Variants in ANKS1B observed in about 807,000 individuals in gnomAD.
The protein encoded by ANKS1B is ankyrin repeat and sterile alpha motif domain-containing protein 1B.
Under a neutral mutation model 148.3 loss-of-function variants are expected in ANKS1B, and 36 were observed. The ratio of observed to expected loss-of-function variants is 0.24; its 90% CI spans 0.19 to 0.32. The LOEUF (loss-of-function observed/expected upper bound fraction) is 0.32. Among genes scored for constraint, ANKS1B ranks in the 10% least tolerant of loss-of-function variants. The pLI is 1.00. For missense variants in ANKS1B, 1,157 were observed against 1,542.6 expected (o/e 0.75, Z 4.19); for synonymous variants, 542 against 560.8 (o/e 0.97, Z 0.47).
At chr12:99,409,084 T>C (rs56980683) in intron 11 of ANKS1B, among the ~76,000 whole-genome samples, 10,563 of 152,180 alleles carry the variant, frequency 0.069, 1,087 homozygotes, top group African/African-American at 0.22. Context: ...ATAGCCAAGA[T>C]TTAGAAGCCA....
At chr12:99,302,717 G>A (rs2081825391) in intron 12 of ANKS1B, among the ~76,000 whole-genome samples, 1 of 152,192 alleles carries the variant, frequency 6.6e-6, no homozygotes, top group Middle Eastern at 3.4e-3. Context: ...GGACCACATT[G>A]TTAAGTGACA....
chr12:99,782,553 C>T (rs1468241873), intron 4 of ANKS1B, among the ~76,000 whole-genome samples: 1 of 152,062 alleles, frequency 6.6e-6, no homozygotes, highest in East Asian at 1.9e-4. Flanking sequence ...AGTGGGACTC[C>T]ATCTCAAAAA....
chr12:98,847,173 C>T (rs762833614), intron 17 of ANKS1B, among the ~76,000 whole-genome samples: 1 of 152,140 alleles, frequency 6.6e-6, no homozygotes, highest in Non-Finnish European at 1.5e-5. Flanking sequence ...ATACACAATA[C>T]ACTATTGTTA....
intron 11 of ANKS1B, among the ~76,000 whole-genome samples, chr12:99,419,365 C>A (rs937583039): frequency 4.6e-5 from 7 of 152,122 alleles, no homozygotes; most frequent in Admixed American, 2.6e-4. Context: ...TCCATTTTAG[C>A]TAAGTTGTCA....
At chr12:98,836,455 G>A (rs539605980) in intron 17 of ANKS1B, among the ~76,000 whole-genome samples, 65 of 152,188 alleles carry the variant, frequency 4.3e-4, no homozygotes, top group Admixed American at 4.0e-3. Flanking sequence ...GCTTCAAAAC[G>A]CCCAAGTTGA....
At chr12:99,948,581 T>C (rs1036690478) in intron 1 of ANKS1B, among the ~76,000 whole-genome samples, 13 of 152,294 alleles carry the variant, frequency 8.5e-5, no homozygotes, top group African/African-American at 2.2e-4. Flanking sequence ...AATTAAACAC[T>C]GCTGACCATC....
intron 9 of ANKS1B, among the ~76,000 whole-genome samples, chr12:99,654,433 T>C (rs1462818871): frequency 1.3e-5 from 2 of 152,230 alleles, no homozygotes; most frequent in South Asian, 2.1e-4. Context: ...ATTTTCACCA[T>C]GGCTTCAAAT....
intron 9 of ANKS1B, among the ~76,000 whole-genome samples, chr12:99,560,198 T>C (rs2097318326): frequency 6.6e-6 from 1 of 152,188 alleles, no homozygotes; most frequent in African/African-American, 2.4e-5. Context: ...TGTAAAGTTA[T>C]GGTGAGTTCT....
At chr12:99,766,333 G>A (rs575578407) in intron 8 of ANKS1B, among the ~76,000 whole-genome samples, 1 of 152,196 alleles carries the variant, frequency 6.6e-6, no homozygotes, top group Admixed American at 6.5e-5. Flanking sequence ...AGAAAGAGAT[G>A]TATCAAGAAT....
intron 17 of ANKS1B, among the ~76,000 whole-genome samples, chr12:98,924,511 TTCC>T (rs2099805558): frequency 6.6e-6 from 1 of 152,122 alleles, no homozygotes; most frequent in Admixed American, 6.5e-5. Flanking sequence ...CCAAAGTAGC[TTCC>T]CCCAAGCCAC....
At chr12:99,936,651 T>C (rs895557893) in intron 1 of ANKS1B, among the ~76,000 whole-genome samples, 3 of 152,178 alleles carry the variant, frequency 2.0e-5, no homozygotes, top group Admixed American at 6.5e-5. Context: ...CCTACCTCTG[T>C]TTGCTGTACT....
intron 12 of ANKS1B, among the ~76,000 whole-genome samples, chr12:99,257,243 C>CAA (rs530506432): frequency 1.4e-5 from 2 of 140,340 alleles, no homozygotes; most frequent in African/African-American, 5.2e-5. Context: ...GACTCCGTCT[C>CAA]AAAAAAAAAA....
intron 15 of ANKS1B, among the ~76,000 whole-genome samples, chr12:99,112,477 T>C (rs2153702865): frequency 6.6e-6 from 1 of 152,040 alleles, no homozygotes; most frequent in Admixed American, 6.6e-5. Flanking sequence ...CAACATCTTG[T>C]CTTTTTTGTT....
At chr12:99,600,830 T>G (rs1365214093) in intron 9 of ANKS1B, among the ~76,000 whole-genome samples, 1 of 152,136 alleles carries the variant, frequency 6.6e-6, no homozygotes, top group African/African-American at 2.4e-5. Flanking sequence ...ACACTATTTT[T>G]ATCTCTTTTG....
chr12:98,811,291 C>G (rs994228861), intron 19 of ANKS1B, among the ~76,000 whole-genome samples: 1 of 152,162 alleles, frequency 6.6e-6, no homozygotes, highest in Non-Finnish European at 1.5e-5. Flanking sequence ...TGCATGCCCC[C>G]TGAAGGGGAC....
At chr12:98,924,053 A>AGATGCCTCTATTT (rs2099804841) in intron 17 of ANKS1B, among the ~76,000 whole-genome samples, 1 of 152,188 alleles carries the variant, frequency 6.6e-6, no homozygotes, top group South Asian at 2.1e-4. Context: ...CGCCAGACTT[A>AGATGCCTCTATTT]GATGCCTCTA....
At chr12:98,772,873 G>A (rs1012089886) in intron 25 of ANKS1B, 169 bp downstream of exon 25, 4 of 659,450 alleles carry the variant, frequency 6.1e-6, no homozygotes, top group East Asian at 3.2e-5. Context: ...TAAGCCTCTC[G>A]GTCTGTGGTA....
chr12:98,924,945 C>A (rs1281210230), intron 17 of ANKS1B, among the ~76,000 whole-genome samples: 2 of 152,140 alleles, frequency 1.3e-5, no homozygotes, highest in African/African-American at 4.8e-5. Context: ...AAATGCTGAG[C>A]CTTCTCCAAA....
intron 11 of ANKS1B, among the ~76,000 whole-genome samples, chr12:99,442,813 T>C (rs1470854192): frequency 6.6e-6 from 1 of 151,922 alleles, no homozygotes; most frequent in African/African-American, 2.4e-5. Flanking sequence ...TTCCCTACAA[T>C]TTGGCTCAAA....
Sources: gnomAD v4.1 joint callset for allele counts (sites outside exome capture counted in the v4.1 genomes callset) on GRCh38, gnomAD v4.1.1 for gene constraint, MANE v1.5 for transcripts, NCBI Gene and HGNC (gene_info 2026-07-23, HGNC 2026-07-21) for gene names.